Variants in SYNPR observed in about 807,000 individuals in gnomAD.
The protein encoded by SYNPR is synaptoporin.
Under a neutral mutation model 32.9 loss-of-function variants are expected in SYNPR, and 23 were observed. The observed-to-expected ratio is 0.70, with a 90% CI of 0.50 to 0.99. The LOEUF is 0.99. Ranked by LOEUF, SYNPR falls within the 50% of genes least tolerant of loss-of-function variation. The pLI, the probability that SYNPR is intolerant of heterozygous loss-of-function variation, is 0.00. For missense variants in SYNPR, 318 were observed against 349.3 expected, an observed-to-expected ratio of 0.91 and a Z score of 0.71; for synonymous variants, 146 against 135.9, an observed-to-expected ratio of 1.07 and a Z score of -0.52.
chr3:63,276,713 G>A (rs1253528546), upstream of SYNPR, among the ~76,000 whole-genome samples: 1 of 146,044 alleles, frequency 6.8e-6, no homozygotes, highest in Non-Finnish European at 1.5e-5. Context: ...AGGAAGAGCA[G>A]TAGGAACAAA....
intron 4 of SYNPR, among the ~76,000 whole-genome samples, chr3:63,599,589 A>G (rs923818742): frequency 2.0e-5 from 3 of 152,180 alleles, no homozygotes; most frequent in Non-Finnish European, 4.4e-5. Flanking sequence ...AGTGCACTCT[A>G]TGATGTTCAC....
chr3:63,299,312 A>G (rs1449606641), intron 2 of SYNPR, among the ~76,000 whole-genome samples: 1 of 152,026 alleles, frequency 6.6e-6, no homozygotes, highest in Non-Finnish European at 1.5e-5. Context: ...CCCTTTTTAT[A>G]TCTGTTCTTT....
intron 2 of SYNPR, among the ~76,000 whole-genome samples, chr3:63,260,355 ACTG>A (rs2086427951): frequency 3.3e-5 from 5 of 152,226 alleles, no homozygotes; most frequent in Admixed American, 3.3e-4. Context: ...ACAGCATGGT[ACTG>A]GTACCAAAAC....
chr3:63,364,762 T>TA (rs1375038636), intron 2 of SYNPR, among the ~76,000 whole-genome samples: 4 of 152,128 alleles, frequency 2.6e-5, no homozygotes, highest in Non-Finnish European at 5.9e-5. Flanking sequence ...GAGAAGAATG[T>TA]AAAAAAATAG....
At chr3:63,305,767 C>T (rs1297559739) in intron 2 of SYNPR, among the ~76,000 whole-genome samples, 2 of 151,986 alleles carry the variant, frequency 1.3e-5, no homozygotes, top group Admixed American at 1.3e-4. Flanking sequence ...TTGTTAGATA[C>T]TCTCAGAACC....
intron 3 of SYNPR, among the ~76,000 whole-genome samples, chr3:63,481,375 C>T (rs1055346967): frequency 1.3e-5 from 2 of 151,892 alleles, no homozygotes; most frequent in Non-Finnish European, 2.9e-5. Context: ...TTCTTCTTCA[C>T]TGAGTATCCA....
intron 3 of SYNPR, among the ~76,000 whole-genome samples, chr3:63,499,803 C>A: frequency 6.6e-6 from 1 of 151,854 alleles, no homozygotes; most frequent in East Asian, 1.9e-4. Context: ...ATACACTAAC[C>A]TATTTGAAAT....
chr3:63,580,973 T>C (rs1030545400), intron 4 of SYNPR, among the ~76,000 whole-genome samples: 1 of 152,122 alleles, frequency 6.6e-6, no homozygotes, highest in African/African-American at 2.4e-5. Flanking sequence ...AAATAAAGCA[T>C]AGGCGGTATA....
chr3:63,255,179 G>C (rs2086371739), intron 2 of SYNPR, among the ~76,000 whole-genome samples: 3 of 152,096 alleles, frequency 2.0e-5, no homozygotes, highest in Admixed American at 2.0e-4. Context: ...TGGGGAGGCG[G>C]TCAAATAACC....
At chr3:63,355,096 T>C (rs2087559478) in intron 2 of SYNPR, among the ~76,000 whole-genome samples, 1 of 151,992 alleles carries the variant, frequency 6.6e-6, no homozygotes, top group Non-Finnish European at 1.5e-5. Flanking sequence ...CTGGCCAACA[T>C]GGTAAAACCC....
At chr3:63,257,952 C>T (rs753829760) in intron 2 of SYNPR, among the ~76,000 whole-genome samples, 1 of 152,098 alleles carries the variant, frequency 6.6e-6, no homozygotes, top group Non-Finnish European at 1.5e-5. Flanking sequence ...TTTAAACCAA[C>T]AAAGATCAAA....
intron 4 of SYNPR, among the ~76,000 whole-genome samples, chr3:63,592,897 G>C (rs984090739): frequency 1.3e-5 from 2 of 151,842 alleles, no homozygotes; most frequent in Non-Finnish European, 2.9e-5. Context: ...TTTTGTCCTT[G>C]TCAAAAATAC....
chr3:63,264,925 A>C (rs1456621294), intron 2 of SYNPR, among the ~76,000 whole-genome samples: 1 of 53,526 alleles, frequency 1.9e-5, no homozygotes, highest in Non-Finnish European at 5.1e-5. Context: ...TCTCAGAATC[A>C]TGGGGGAGCC....
At chr3:63,230,271 G>T (rs1196507113) in intron 1 of SYNPR, among the ~76,000 whole-genome samples, 1 of 152,106 alleles carries the variant, frequency 6.6e-6, no homozygotes, top group Admixed American at 6.6e-5. Context: ...TCTAGGTCCT[G>T]GTCCTTTTTA....
intron 1 of SYNPR, among the ~76,000 whole-genome samples, chr3:63,248,907 A>G (rs1453683176): frequency 1.3e-5 from 2 of 152,044 alleles, no homozygotes; most frequent in Admixed American, 6.6e-5. Context: ...AACATTGTCA[A>G]CGCATAATTG....
At chr3:63,335,852 C>T (rs367711252) in intron 2 of SYNPR, among the ~76,000 whole-genome samples, 2 of 143,232 alleles carry the variant, frequency 1.4e-5, no homozygotes. Context: ...TCTCAGCTCA[C>T]CGCAACCTCT....
At chr3:63,290,896 G>T (rs2086732577) in intron 2 of SYNPR, among the ~76,000 whole-genome samples, 1 of 152,118 alleles carries the variant, frequency 6.6e-6, no homozygotes, top group African/African-American at 2.4e-5. Context: ...TTATGCACTG[G>T]CTTCACCTTA....
intron 2 of SYNPR, among the ~76,000 whole-genome samples, chr3:63,413,562 C>T (rs1447054300): frequency 1.6e-4 from 24 of 152,178 alleles, no homozygotes; most frequent in Admixed American, 1.3e-3. Flanking sequence ...GTGATGAGAA[C>T]AAAAATCAAG....
At chr3:63,498,424 T>G (rs572013496) in intron 3 of SYNPR, among the ~76,000 whole-genome samples, 1 of 151,870 alleles carries the variant, frequency 6.6e-6, no homozygotes, top group South Asian at 2.1e-4. Flanking sequence ...AGGGAGAAAA[T>G]AAACAAGCAA....
Sources: gnomAD v4.1 joint callset for allele counts (sites outside exome capture counted in the v4.1 genomes callset) on GRCh38, gnomAD v4.1.1 for gene constraint, MANE v1.5 for transcripts, NCBI Gene and HGNC (gene_info 2026-07-23, HGNC 2026-07-21) for gene names.